Variants in KIF26B observed in about 807,000 individuals in gnomAD.
KIF26B encodes the protein kinesin family member 26B, also known as kinesin-like protein KIF26B.
A neutral mutation model predicts 151.2 loss-of-function variants in KIF26B; 63 were observed. That is an observed-to-expected ratio of 0.42 (90% CI 0.34 to 0.51). The LOEUF (loss-of-function observed/expected upper bound fraction) is 0.51, where lower values mean the gene tolerates loss of function less well. Ranked by LOEUF, KIF26B falls within the 20% of genes least tolerant of loss-of-function variation. The pLI, the probability that KIF26B is intolerant of heterozygous loss-of-function variation, is 0.07. For synonymous variants in KIF26B, 1,357 were observed against 1,262.1 expected (o/e 1.08, Z -1.59); for missense variants, 2,813 against 2,913.6 (o/e 0.97, Z 0.79).
intron 2 of KIF26B, among the ~76,000 whole-genome samples, chr1:245,215,383 C>T (rs1393970303): frequency 6.6e-6 from 1 of 152,006 alleles, no homozygotes; most frequent in Admixed American, 6.6e-5. Context: ...ATTCAGTTCC[C>T]GAGAAGGACA....
chr1:245,613,632 C>G (rs1398123289), intron 9 of KIF26B, among the ~76,000 whole-genome samples: 1 of 152,094 alleles, frequency 6.6e-6, no homozygotes, highest in African/African-American at 2.4e-5. Flanking sequence ...CAGCTGGGAT[C>G]TATGGACAGG....
chr1:245,568,240 G>T (rs906443390), intron 5 of KIF26B, among the ~76,000 whole-genome samples: 7 of 142,724 alleles, frequency 4.9e-5, no homozygotes, highest in South Asian at 2.4e-4. Context: ...CCTGAGCCAG[G>T]CACCGTGGCT....
At chr1:245,680,834 C>T (rs185349566) in intron 10 of KIF26B, among the ~76,000 whole-genome samples, 10 of 152,330 alleles carry the variant, frequency 6.6e-5, no homozygotes, top group African/African-American at 2.2e-4. Context: ...CGTTCCCCGC[C>T]GAGGTGGAGC....
chr1:245,666,534 CA>C (rs2044217427), intron 10 of KIF26B, among the ~76,000 whole-genome samples: 1 of 151,942 alleles, frequency 6.6e-6, no homozygotes, highest in Non-Finnish European at 1.5e-5. Flanking sequence ...GTTGAATGAA[CA>C]ATCGGAGGTA....
intron 10 of KIF26B, among the ~76,000 whole-genome samples, chr1:245,647,424 C>CAAAAA (rs372008159): frequency 1.0e-5 from 1 of 96,514 alleles, no homozygotes; most frequent in South Asian, 4.2e-4. Flanking sequence ...GACTCCTTCT[C>CAAAAA]AAAAAAAAAA....
chr1:245,466,819 G>A (rs974795019), intron 4 of KIF26B, among the ~76,000 whole-genome samples: 1 of 152,166 alleles, frequency 6.6e-6, no homozygotes, highest in Admixed American at 6.5e-5. Context: ...CCAGCTACTT[G>A]GGAGGCTGCG....
chr1:245,172,561 G>A (rs1219706685), intron 2 of KIF26B, among the ~76,000 whole-genome samples: 6 of 152,178 alleles, frequency 3.9e-5, no homozygotes, highest in African/African-American at 1.4e-4. Context: ...TGTAATGCCA[G>A]CAATTTAGGA....
Position 245,219,273 on chromosome 1 carries a change from G to A in KIF26B, c.465+62590G>A, listed in dbSNP as rs147781856. Among the ~76,000 whole-genome samples, 838 of 151,296 alleles carry A rather than the reference G, an allele frequency of 5.5e-3. 6 individuals are homozygous for A. The highest frequency in any genetic ancestry group is 0.017 in the Middle Eastern group (5 of 294). ...CTCGCCTCAGCCTCCCGAGTAGCTGGGACTACAGGTGCCCGCCACCACGCG... is the reference window on the plus strand; with the variant it reads ...CTCGCCTCAGCCTCCCGAGTAGCTGAGACTACAGGTGCCCGCCACCACGCG... On this transcript the variant is annotated intron_variant, in intron 2 of 14. Transcript: ENST00000407071.
rs1206800981 is a variant in KIF26B at position 245,657,815 on chromosome 1, T to G, written c.2258+11535T>G. Among the ~76,000 whole-genome samples the G allele has an allele frequency of 2.6e-5, 4 of 152,352 alleles. No homozygotes were observed. The East Asian group carries it at 7.7e-4, about 29-fold the overall frequency. On this transcript the variant is annotated intron_variant, in intron 10 of 14. Coordinates refer to ENST00000407071, the MANE Select transcript of KIF26B (RefSeq NM_018012.4). ...TCCTCCTCCATTTGTGAGATTCTTC[T>G]TATGTCTTTGACATGTTTTGATTGT...
intron 5 of KIF26B, among the ~76,000 whole-genome samples, chr1:245,600,548 C>G (rs1457940070): frequency 6.6e-6 from 1 of 151,876 alleles, no homozygotes; most frequent in African/African-American, 2.4e-5. Context: ...CCATGTTGCC[C>G]AGGCTTGTCT....
At chr1:245,353,242 C>T (rs1226832328) in intron 2 of KIF26B, among the ~76,000 whole-genome samples, 1 of 152,108 alleles carries the variant, frequency 6.6e-6, no homozygotes, top group Admixed American at 6.5e-5. Flanking sequence ...TTTACTCACC[C>T]CCTCTCCCTC....
chr1:245,208,583 G>A (rs544089046), intron 2 of KIF26B, among the ~76,000 whole-genome samples: 1 of 152,310 alleles, frequency 6.6e-6, no homozygotes, highest in Non-Finnish European at 1.5e-5. Context: ...AGATGTTGAG[G>A]TGGAGGCCTG....
chr1:245,440,331 C>T (rs1168106506), intron 4 of KIF26B, among the ~76,000 whole-genome samples: 1 of 152,132 alleles, frequency 6.6e-6, no homozygotes, highest in Non-Finnish European at 1.5e-5. Context: ...GAAGAACTCC[C>T]TAGTCCGGAT....
rs10924151 is a variant in KIF26B at position 245,284,002 on chromosome 1, A to T, written c.466-82832A>T. 1.5e-4 allele frequency among the ~76,000 whole-genome samples: 23 copies of T among 151,684 alleles called. No individual in the cohort carries two copies. In the South Asian group the frequency reaches 4.8e-3, roughly 31 times the overall value. On this transcript the variant is annotated intron_variant, in intron 2 of 14. Transcript: ENST00000407071. ...CGCACCGCAGCTTGAGAATATGAGC[A>T]GCACTTTTGAAGTCCCTACGCAATG...
intron 5 of KIF26B, among the ~76,000 whole-genome samples, chr1:245,555,804 A>G (rs1029664461): frequency 4.6e-5 from 7 of 152,110 alleles, no homozygotes; most frequent in African/African-American, 1.7e-4. Context: ...CCCAATCCGT[A>G]TTTACCGAGC....
At position 245,512,891 on chromosome 1, in the gene KIF26B, A is replaced by C. The variant is rs138598286; in HGVS notation, c.1167-27876A>C. On this transcript the variant is annotated intron_variant, in intron 4 of 14. Coordinates refer to ENST00000407071, the MANE Select transcript of KIF26B (RefSeq NM_018012.4). This position sits in a 1 kb window ranked among gnomAD's most constrained non-coding sequence, Gnocchi z 4.3. Reference sequence around the variant, plus strand: ...AAATCATGCCGGGGAAAGGAAAATCATTAAAAAACAATGACTAAAAACAGA... The same window carrying C: ...AAATCATGCCGGGGAAAGGAAAATCCTTAAAAAACAATGACTAAAAACAGA... Among the ~76,000 whole-genome samples, 1 of 152,162 alleles carries C rather than the reference A, an allele frequency of 6.6e-6. No individual in the cohort carries two copies. The highest frequency in any genetic ancestry group is 2.4e-5 in the African/African-American group (1 of 41,422).
chr1:245,251,445 ATC>A (rs1445289958), intron 2 of KIF26B, among the ~76,000 whole-genome samples: 1 of 152,142 alleles, frequency 6.6e-6, no homozygotes, highest in African/African-American at 2.4e-5. Context: ...CAGCAGTAAT[ATC>A]TGTCTTTTTC....
At chr1:245,694,397 G>A (rs550977411) in intron 12 of KIF26B, among the ~76,000 whole-genome samples, 9 of 152,222 alleles carry the variant, frequency 5.9e-5, no homozygotes, top group Non-Finnish European at 1.3e-4. Flanking sequence ...GACAGTGGGC[G>A]ATGGAGCGAA....
At chr1:245,458,776 A>G (rs1157591153) in intron 4 of KIF26B, among the ~76,000 whole-genome samples, 2 of 152,180 alleles carry the variant, frequency 1.3e-5, no homozygotes, top group African/African-American at 2.4e-5. Flanking sequence ...TCTTTGCCCA[A>G]GGGCCCTCAT....
Sources: allele counts gnomAD v4.1 joint callset (sites outside exome capture counted in the v4.1 genomes callset), GRCh38; gene constraint gnomAD v4.1.1; non-coding constraint Gnocchi (gnomAD v3.1); transcripts MANE v1.5; gene names NCBI Gene and HGNC (gene_info 2026-07-23, HGNC 2026-07-21).